The following AGTPBP1 variants were observed in gnomAD, a reference collection of about 807,000 sequenced individuals.
AGTPBP1 encodes the protein ATP/GTP binding carboxypeptidase 1.
AGTPBP1 carries 70 observed loss-of-function variants against 143.9 expected under a neutral mutation model. That is an observed-to-expected ratio of 0.49 (90% CI 0.40 to 0.59). The LOEUF is 0.59. AGTPBP1 is among the 20% of genes least tolerant of loss of function. AGTPBP1 has a pLI of 0.00. For missense variants in AGTPBP1, 1,229 were observed against 1,464.5 expected (o/e 0.84, Z 2.62); for synonymous variants, 463 against 500.2 (o/e 0.93, Z 0.99).
At chr9:85,610,736 A>G (rs534229543) in intron 17 of AGTPBP1, among the ~76,000 whole-genome samples, 3 of 152,316 alleles carry the variant, frequency 2.0e-5, no homozygotes, top group Admixed American at 2.0e-4. Context: ...ATACCTCCAG[A>G]TGAAGAAGTT....
At chr9:85,760,874 G>A in the AGTPBP1 span, among the ~76,000 whole-genome samples, 24 of 152,228 alleles carry the variant, frequency 1.6e-4, no homozygotes, top group Middle Eastern at 3.4e-3. Context: ...AAACCCCATC[G>A]TCTCAGCCCA....
chr9:85,711,973 G>T (rs756622007), intron 2 of AGTPBP1, among the ~76,000 whole-genome samples: 1 of 152,002 alleles, frequency 6.6e-6, no homozygotes, highest in African/African-American at 2.4e-5. Flanking sequence ...ATTTAAAAAT[G>T]TAAAAACCGG....
chr9:85,566,828 CAGCAGCTGGAGTAA>C (rs1827135324), intron 25 of AGTPBP1, among the ~76,000 whole-genome samples: 1 of 152,162 alleles, frequency 6.6e-6, no homozygotes, highest in South Asian at 2.1e-4. Context: ...CTTGTGAATG[CAGCAGCTGGAGTAA>C]GGCTTCCCAC....
chr9:85,687,676 AAATAC>A (rs1476556003), intron 3 of AGTPBP1, among the ~76,000 whole-genome samples: 1 of 152,218 alleles, frequency 6.6e-6, no homozygotes, highest in Non-Finnish European at 1.5e-5. Context: ...ATCAAAACAA[AAATAC>A]AATATATCAA....
chr9:85,629,666 T>C (rs574150819), intron 14 of AGTPBP1, among the ~76,000 whole-genome samples: 208 of 152,346 alleles, frequency 1.4e-3, no homozygotes, highest in Admixed American at 6.5e-4. Flanking sequence ...CATTTAACTA[T>C]AATACATCTA....
At chr9:85,797,799 A>C in the AGTPBP1 span, among the ~76,000 whole-genome samples, 1 of 152,196 alleles carries the variant, frequency 6.6e-6, no homozygotes, top group Non-Finnish European at 1.5e-5. Flanking sequence ...ATCCTGGGCC[A>C]CACACCACGG....
the AGTPBP1 span, among the ~76,000 whole-genome samples, chr9:85,787,655 A>G: frequency 6.6e-6 from 1 of 152,146 alleles, no homozygotes; most frequent in African/African-American, 2.4e-5. Context: ...CTTTTTAACC[A>G]TATTTTTCAG....
Position 85,616,237 on chromosome 9 carries a change from G to C in AGTPBP1, c.2335+2746C>G, listed in dbSNP as rs538979553. On this transcript the variant is annotated intron_variant, in intron 17 of 25. Transcript: ENST00000357081. ...ACTACATAGTGAGTTTGGAAAGTGT[G>C]ATATACATACAAGAATATCCAAAGG... 5.9e-5 allele frequency among the ~76,000 whole-genome samples: 9 copies of C among 151,926 alleles called. No homozygotes were observed. The South Asian group carries it at 1.9e-3, about 32-fold the overall frequency.
At chr9:85,785,190 C>T in the AGTPBP1 span, among the ~76,000 whole-genome samples, 1 of 151,976 alleles carries the variant, frequency 6.6e-6, no homozygotes, top group Non-Finnish European at 1.5e-5. Flanking sequence ...AAAAATTAGC[C>T]GGGCGTGGTG....
the AGTPBP1 span, among the ~76,000 whole-genome samples, chr9:85,751,657 T>G: frequency 2.0e-5 from 3 of 152,024 alleles, no homozygotes; most frequent in South Asian, 2.1e-4. Flanking sequence ...CTCTGTCACC[T>G]AGGCTGGAGT....
the AGTPBP1 span, among the ~76,000 whole-genome samples, chr9:85,770,061 T>TGTGTGTGTG: frequency 9.4e-5 from 14 of 148,282 alleles, no homozygotes; most frequent in Admixed American, 9.4e-4. Flanking sequence ...TGTTAATCTG[T>TGTGTGTGTG]TGTGTGTGTG....
intron 14 of AGTPBP1, among the ~76,000 whole-genome samples, chr9:85,625,755 C>A (rs999612590): frequency 6.6e-6 from 1 of 151,528 alleles, no homozygotes; most frequent in African/African-American, 2.4e-5. Flanking sequence ...AGTGGTGGCA[C>A]GTGCCTGTAA....
At chr9:85,595,332 AG>A (rs1020441792) in intron 18 of AGTPBP1, among the ~76,000 whole-genome samples, 8 of 152,366 alleles carry the variant, frequency 5.3e-5, no homozygotes, top group Non-Finnish European at 7.3e-5. Context: ...CAGAAATGTC[AG>A]GATTGAACTT....
At chr9:85,804,063 ATC>A in the AGTPBP1 span, among the ~76,000 whole-genome samples, 2 of 152,064 alleles carry the variant, frequency 1.3e-5, no homozygotes, top group Non-Finnish European at 2.9e-5. Context: ...CCTACAGTAG[ATC>A]TGTCAGTTTT....
chr9:85,756,377 A>G, the AGTPBP1 span: 1 of 999,262 alleles, frequency 1.0e-6, no homozygotes, highest in East Asian at 3.2e-5. Context: ...GGACCTTCAT[A>G]CACTGCTGGT....
intron 18 of AGTPBP1, among the ~76,000 whole-genome samples, chr9:85,594,263 C>G (rs1446602433): frequency 6.6e-6 from 1 of 152,168 alleles, no homozygotes; most frequent in East Asian, 1.9e-4. Context: ...AAACAAGCAT[C>G]ATAGGACTTA....
At chr9:85,614,311 T>G (rs979005754) in intron 17 of AGTPBP1, among the ~76,000 whole-genome samples, 1 of 152,014 alleles carries the variant, frequency 6.6e-6, no homozygotes, top group African/African-American at 2.4e-5. Context: ...AATAAAAAGT[T>G]CAGCAAGAAG....
At chr9:85,758,648 A>G in the AGTPBP1 span, among the ~76,000 whole-genome samples, 1,549 of 152,256 alleles carry the variant, frequency 0.01, 17 homozygotes, top group African/African-American at 0.036. Flanking sequence ...CCATCTCAAC[A>G]AAAAGGGTCA....
At chr9:85,622,422 A>G (rs532982794) in intron 14 of AGTPBP1, among the ~76,000 whole-genome samples, 5 of 152,306 alleles carry the variant, frequency 3.3e-5, no homozygotes, top group African/African-American at 1.2e-4. Context: ...ATATCACAGT[A>G]TAACCTTAAA....
Sources: allele counts gnomAD v4.1 joint callset (sites outside exome capture counted in the v4.1 genomes callset), GRCh38; gene constraint gnomAD v4.1.1; transcripts MANE v1.5; gene names NCBI Gene and HGNC (gene_info 2026-07-23, HGNC 2026-07-21).